The following PODN variants were observed in gnomAD, a reference collection of about 807,000 sequenced individuals.
The protein encoded by PODN is podocan, also known as podocan proteoglycan.
Under a neutral mutation model 52.7 loss-of-function variants are expected in PODN, and 40 were observed. That is an observed-to-expected ratio of 0.76 (90% confidence interval 0.59 to 0.99). The LOEUF (loss-of-function observed/expected upper bound fraction) is 0.99, where lower values mean the gene tolerates loss of function less well. Ranked by LOEUF, PODN falls within the 50% of genes least tolerant of loss-of-function variation. The pLI is 0.00. For synonymous variants in PODN, 396 were observed against 377.9 expected, an observed-to-expected ratio of 1.05 and a Z score of -0.56; for missense variants, 720 against 815.1, an observed-to-expected ratio of 0.88 and a Z score of 1.42.
chr1:53,070,737 C>T (rs914967857), intron 2 of PODN, among the ~76,000 whole-genome samples: 1 of 152,228 alleles, frequency 6.6e-6, no homozygotes, highest in Non-Finnish European at 1.5e-5. Context: ...TTCCCAGAGG[C>T]GATCAGGCCT....
At position 53,078,949 on chromosome 1, in the gene PODN, T is replaced by C. The variant is rs752437145; in HGVS notation, c.1439T>C (p.Leu480Pro). The C allele has an allele frequency of 6.3e-7, 1 of 1,585,382 alleles. No homozygotes were observed. Residue 480 changes from leucine (L) to proline (P), a missense_variant, in exon 8 of 11, where the codon CTG (leucine) becomes CCG (proline). Transcript: ENST00000312553. ...ALVGMAQLRE[L>P]YLTSNRLRSR... is the part of the protein sequence containing the mutation. ...GTGGGCATGGCTCAGCTGCGTGAGC[T>C]GTACCTCACCAGCAACCGACTGCGC...
rs771131394 is a variant in PODN, at chr1:53,078,812, G to T, written c.1302G>T (p.Ser434=). The T allele has an allele frequency of 1.2e-6, 2 of 1,613,002 alleles. No homozygotes were observed. The highest frequency in any genetic ancestry group is 1.7e-6 in the Non-Finnish European group (2 of 1,179,804). The part of the protein sequence containing the change: ...DAFRKLRLLR[S]LDLSGNRLHT... ...TCCGCAAGCTGCGCCTGCTGCGCTC[G>T]CTGGACCTGTCGGGCAACCGGCTGC... Residue 434 remains serine, a synonymous_variant, in exon 8 of 11, where the codon TCG becomes TCT. Coordinates refer to ENST00000312553, the MANE Select transcript of PODN (RefSeq NM_153703.5).
intron 8 of PODN, 106 bp from the exon 9 acceptor site, chr1:53,080,622 G>A (rs1288708995): frequency 7.2e-6 from 9 of 1,251,332 alleles, no homozygotes; most frequent in Non-Finnish European, 8.9e-6. Context: ...CCTCCACACA[G>A]GGTTATTGTT....
intron 7 of PODN, 38 bp downstream of exon 7, chr1:53,077,838 GGGGCCCGGGAAGCTCCTTCA>G (rs1557655341): frequency 6.3e-7 from 1 of 1,577,386 alleles, no homozygotes; most frequent in Admixed American, 1.7e-5. Context: ...GCGTGACCAC[GGGGCCCGGGAAGCTCCTTCA>G]GGGCCAACCA....
chr1:53,080,706 A>G (rs1644282294), intron 8 of PODN, 22 bp from the exon 9 acceptor site: 1 of 1,610,402 alleles, frequency 6.2e-7, no homozygotes, highest in Non-Finnish European at 8.5e-7. Flanking sequence ...GGAGTCCCTG[A>G]CTCCCTTGGT....
At position 53,077,597 on chromosome 1, in the gene PODN, C is replaced by T. The variant is rs764740175; in HGVS notation, c.739-88C>T. The T allele has an allele frequency of 1.1e-3, 1,414 of 1,341,016 alleles. 1 individual carries two copies. Among genetic ancestry groups the T allele is most frequent in the Non-Finnish European group, 1.3e-3 (1,234 of 971,260 alleles). The allele number at this position is 1,341,016 out of a possible 1,614,324, so 83.1% of individuals were successfully genotyped here. ...GTCTGGGTGCCTTCCTGGTGGCTTC[C>T]CAGACTCCTCTCCACACCTCATCCC... On this transcript the variant is annotated intron_variant, in intron 6 of 10. Transcript: ENST00000312553.
chr1:53,078,977 C>G lies in PODN; in HGVS notation c.1467C>G (p.Ser489Arg). The change falls in exon 8 of 11, where the codon AGC (serine) becomes AGG (arginine). Residue 489 changes from serine to arginine, a missense_variant. Transcript: ENST00000312553. The part of the protein sequence containing the change: ...ELYLTSNRLR[S>R]RALGPRAWVD... ...ACCTCACCAGCAACCGACTGCGCAG[C>G]CGAGCCCTGGGCCCCCGTGCCTGGG... 6.4e-7 allele frequency: 1 copy of G among 1,573,054 alleles called. No homozygotes were observed. The highest frequency in any genetic ancestry group is 2.3e-5 in the East Asian group (1 of 42,660).
chr1:53,083,854 G>A (rs1341051667), intron 10 of PODN, among the ~76,000 whole-genome samples: 1 of 152,122 alleles, frequency 6.6e-6, no homozygotes, highest in South Asian at 2.1e-4. Flanking sequence ...GAGGAGAGCT[G>A]GTGAGGAGTG....
chr1:53,074,460 GGCC>G (rs1644163826), intron 3 of PODN, 143 bp from the exon 4 acceptor site: 2 of 844,502 alleles, frequency 2.4e-6, no homozygotes, highest in South Asian at 2.9e-5. Context: ...GGGCTGGGCA[GGCC>G]CCCCAACTGC....
In PODN at chr1:53,077,226, C is replaced by A; in HGVS notation, c.618C>A (p.Ala206=). 4.3e-6 allele frequency: 7 copies of A among 1,613,430 alleles called. No individual in the cohort carries two copies. Among genetic ancestry groups the A allele is most frequent in the Non-Finnish European group, 5.9e-6 (7 of 1,180,020 alleles). ...TGCACAACAACAAGCTGGCAGACGC[C>A]GGGCTGCCGGACAACATGTTCAACG... ...VYLHNNKLAD[A]GLPDNMFNGS... The change falls in exon 6 of 11, where the codon GCC becomes GCA. Residue 206 remains alanine (A), a synonymous_variant. Coordinates refer to ENST00000312553, the MANE Select transcript of PODN (RefSeq NM_153703.5).
intron 3 of PODN, 82 bp from the exon 4 acceptor site, chr1:53,074,524 G>T (rs532741516): frequency 9.2e-6 from 14 of 1,519,208 alleles, no homozygotes; most frequent in South Asian, 9.0e-5. Flanking sequence ...GCAGGCGGGT[G>T]GGGGAGGAGG....
rs1644239261 is a variant in PODN, at chr1:53,078,795, C to T, written c.1285C>T (p.Leu429=). The change falls in exon 8 of 11, where the codon CTG becomes TTG. Residue 429 remains leucine (L), a synonymous_variant. Coordinates refer to ENST00000312553, the MANE Select transcript of PODN (RefSeq NM_153703.5). ...GGTGCACCGCGACGCCTTCCGCAAGCTGCGCCTGCTGCGCTCGCTGGACCT... is the reference window on the plus strand; with the variant it reads ...GGTGCACCGCGACGCCTTCCGCAAGTTGCGCCTGCTGCGCTCGCTGGACCT... ...PQVHRDAFRK[L]RLLRSLDLSG... is the part of the protein sequence containing the mutation. 6.2e-7 allele frequency: 1 copy of T among 1,613,090 alleles called. No individual in the cohort carries two copies. The highest frequency in any genetic ancestry group is 8.5e-7 in the Non-Finnish European group (1 of 1,179,874).
chr1:53,082,318 A>G (rs1163759706), intron 10 of PODN, 130 bp downstream of exon 10: 8 of 1,281,174 alleles, frequency 6.2e-6, no homozygotes, highest in East Asian at 2.9e-5. Flanking sequence ...TAGCAAATTT[A>G]TAAGAGCACT....
chr1:53,070,440 G>A (rs1028845404), intron 2 of PODN, among the ~76,000 whole-genome samples: 1 of 152,206 alleles, frequency 6.6e-6, no homozygotes, highest in Non-Finnish European at 1.5e-5. Flanking sequence ...CCAGTAAGTC[G>A]AGCCAGGCTC....
chr1:53,063,000 G>T (rs1040310730), intron 1 of PODN, among the ~76,000 whole-genome samples: 2 of 152,222 alleles, frequency 1.3e-5, no homozygotes, highest in South Asian at 2.1e-4. Flanking sequence ...AAGGGGTGGG[G>T]GTCCGCGAAG....
At chr1:53,063,518 A>C in intron 1 of PODN, 5 of 985,520 alleles carry the variant, frequency 5.1e-6, no homozygotes, top group Non-Finnish European at 6.0e-6. Flanking sequence ...GCTCATGGTG[A>C]GCAAGGAGGC....
intron 5 of PODN, among the ~76,000 whole-genome samples, chr1:53,076,420 C>G (rs1429447612): frequency 6.6e-6 from 1 of 152,172 alleles, no homozygotes; most frequent in African/African-American, 2.4e-5. Flanking sequence ...GTGACTCTCT[C>G]CATCTGTCTG....
intron 3 of PODN, 134 bp downstream of exon 3, chr1:53,071,762 C>T: frequency 1.2e-6 from 1 of 842,046 alleles, no homozygotes; most frequent in Non-Finnish European, 1.8e-6. Context: ...AGGCCCGGGC[C>T]AGGCTAGCAG....
intron 5 of PODN, 144 bp downstream of exon 5, chr1:53,076,115 A>G: frequency 1.5e-6 from 1 of 683,486 alleles, no homozygotes. Context: ...AGGGGCCCTA[A>G]CAGAGGAGGA....
Sources: gnomAD v4.1 joint callset for allele counts (sites outside exome capture counted in the v4.1 genomes callset) on GRCh38, gnomAD v4.1.1 for gene constraint, MANE v1.5 for transcripts, NCBI Gene and HGNC (gene_info 2026-07-23, HGNC 2026-07-21) for gene names.